BRINP1: variants seen among roughly 807,000 people sequenced by gnomAD.
The protein encoded by BRINP1 is BMP/retinoic acid inducible neural specific 1.
BRINP1 carries 17 observed loss-of-function variants against 72.9 expected under a neutral mutation model. The ratio of observed to expected loss-of-function variants is 0.23; its 90% CI spans 0.16 to 0.35. The LOEUF is 0.35. BRINP1 is among the 10% of genes least tolerant of loss of function. The pLI is 1.00. For synonymous variants in BRINP1, 418 were observed against 378.5 expected, an observed-to-expected ratio of 1.10 and a Z score of -1.21; for missense variants, 850 against 1,001.6, an observed-to-expected ratio of 0.85 and a Z score of 2.04.
chr9:119,278,758 C>G (rs575396903), intron 2 of BRINP1, among the ~76,000 whole-genome samples: 1 of 151,882 alleles, frequency 6.6e-6, no homozygotes, highest in Non-Finnish European at 1.5e-5. Flanking sequence ...CGTGGTGGTG[C>G]GTGCCTGTAG....
At chr9:119,254,155 C>G (rs1321200575) in intron 2 of BRINP1, among the ~76,000 whole-genome samples, 1 of 152,148 alleles carries the variant, frequency 6.6e-6, no homozygotes, top group Admixed American at 6.6e-5. Context: ...AAAGATACCA[C>G]AGTAAACAAA....
At chr9:119,198,624 G>A (rs1407605060) in intron 7 of BRINP1, among the ~76,000 whole-genome samples, 4 of 151,868 alleles carry the variant, frequency 2.6e-5, no homozygotes, top group Admixed American at 6.6e-5. Flanking sequence ...AATTATTTAT[G>A]TCATCAAATA....
At chr9:119,354,697 A>G (rs1587971001) in intron 1 of BRINP1, among the ~76,000 whole-genome samples, 1 of 55,314 alleles carries the variant, frequency 1.8e-5, no homozygotes, top group East Asian at 4.9e-4. Flanking sequence ...CCCGTCTCTA[A>G]AAAAAAAAAA....
intron 2 of BRINP1, among the ~76,000 whole-genome samples, chr9:119,253,281 G>A (rs1352295708): frequency 3.9e-5 from 6 of 152,098 alleles, no homozygotes; most frequent in Admixed American, 6.5e-5. Context: ...CAAAAGAATG[G>A]AAATACATAT....
intron 7 of BRINP1, among the ~76,000 whole-genome samples, chr9:119,168,583 C>G (rs1829349823): frequency 8.5e-6 from 1 of 117,784 alleles, no homozygotes; most frequent in African/African-American, 2.6e-5. Context: ...TCAAATACCC[C>G]TTCTGGATGA....
intron 7 of BRINP1, among the ~76,000 whole-genome samples, chr9:119,189,535 A>T (rs769802431): frequency 6.6e-6 from 1 of 152,154 alleles, no homozygotes; most frequent in Non-Finnish European, 1.5e-5. Context: ...CATTAGATAA[A>T]ATAGACTTCA....
At chr9:119,169,187 A>G (rs1439677992) in intron 7 of BRINP1, among the ~76,000 whole-genome samples, 2 of 152,220 alleles carry the variant, frequency 1.3e-5, no homozygotes, top group African/African-American at 4.8e-5. Context: ...GACGCAGAAG[A>G]CAGTGATTTC....
intron 2 of BRINP1, among the ~76,000 whole-genome samples, chr9:119,252,877 C>G (rs1415382052): frequency 6.6e-6 from 1 of 152,170 alleles, no homozygotes; most frequent in Non-Finnish European, 1.5e-5. Context: ...AAACAGCCAT[C>G]ACAGTCTTTG....
rs755942668 is a variant in BRINP1 at position 119,167,737 on chromosome 9, A to T, written c.1633T>A (p.Ser545Thr). The change falls in exon 8 of 8, where the codon TCC becomes ACC. Residue 545 changes from serine to threonine, a missense_variant. Ser to Thr is a moderately conservative substitution (Grantham distance 58). Transcript: ENST00000265922. This position sits in a 1 kb window ranked among gnomAD's most constrained non-coding sequence, Gnocchi z 4.3. ...MDFIHMVIGM[S>T]MRICQMRNSS... is the part of the protein sequence containing the mutation. ...TTGCGCATCTGGCAGATGCGCATGG[A>T]CATGCCGATCACCATGTGGATGAAG... 4 of 1,613,926 alleles carry T rather than the reference A, an allele frequency of 2.5e-6. No individual in the cohort carries two copies. Among genetic ancestry groups the T allele is most frequent in the Non-Finnish European group, 3.4e-6 (4 of 1,180,002 alleles).
chr9:119,169,272 G>T (rs1009880522), intron 7 of BRINP1, among the ~76,000 whole-genome samples: 1 of 152,222 alleles, frequency 6.6e-6, no homozygotes, highest in African/African-American at 2.4e-5. Context: ...TTGGGTGCAC[G>T]CACCGTGCGC....
chr9:119,274,867 T>A (rs1830640502), intron 2 of BRINP1, among the ~76,000 whole-genome samples: 1 of 152,198 alleles, frequency 6.6e-6, no homozygotes, highest in Non-Finnish European at 1.5e-5. Context: ...TAGATATATG[T>A]GTATATACAC....
At chr9:119,294,562 G>C (rs899423687) in intron 2 of BRINP1, among the ~76,000 whole-genome samples, 2 of 151,404 alleles carry the variant, frequency 1.3e-5, no homozygotes, top group African/African-American at 2.4e-5. Context: ...ATTGATGAAG[G>C]AAATTTAAAA....
rs1455806242 is a variant in BRINP1, at chr9:119,301,658, ACT to A, written c.218+11478_218+11479del. On this transcript the variant is annotated intron_variant, in intron 2 of 7. Coordinates refer to ENST00000265922, the MANE Select transcript of BRINP1 (RefSeq NM_014618.3). ...GGTAAAATGGCATAGAACTATACAC[ACT>A]CTGTGTATATTATACCCATGTCTGT... Among the ~76,000 whole-genome samples the A allele has an allele frequency of 2.0e-5, 3 of 152,028 alleles. No homozygotes were observed. The East Asian group carries it at 5.8e-4, about 29-fold the overall frequency.
intron 1 of BRINP1, among the ~76,000 whole-genome samples, chr9:119,314,954 G>C (rs775786270): frequency 3.9e-5 from 6 of 152,150 alleles, no homozygotes; most frequent in Non-Finnish European, 7.3e-5. Flanking sequence ...CCCTATGACA[G>C]TGTTTTTGTT....
intron 7 of BRINP1, among the ~76,000 whole-genome samples, chr9:119,173,644 T>G (rs1465554427): frequency 6.7e-6 from 1 of 148,666 alleles, no homozygotes; most frequent in African/African-American, 2.5e-5. Context: ...AAAACTACTT[T>G]AAAGTTCATA....
chr9:119,226,439 G>A (rs1295531399), intron 5 of BRINP1, among the ~76,000 whole-genome samples: 1 of 151,928 alleles, frequency 6.6e-6, no homozygotes, highest in Non-Finnish European at 1.5e-5. Flanking sequence ...TATTTGAATG[G>A]TATAGCCCCA....
chr9:119,340,302 G>T (rs555140497), intron 1 of BRINP1, among the ~76,000 whole-genome samples: 6 of 152,256 alleles, frequency 3.9e-5, no homozygotes, highest in African/African-American at 1.2e-4. Flanking sequence ...TAATTGATCT[G>T]GATTTAGATC....
intron 7 of BRINP1, among the ~76,000 whole-genome samples, chr9:119,189,320 T>G (rs2118847546): frequency 6.6e-6 from 1 of 152,226 alleles, no homozygotes; most frequent in Non-Finnish European, 1.5e-5. Context: ...TAGTAAATTC[T>G]TCCGTATCAA....
intron 2 of BRINP1, among the ~76,000 whole-genome samples, chr9:119,288,947 T>C (rs1176682829): frequency 6.6e-6 from 1 of 152,154 alleles, no homozygotes; most frequent in Admixed American, 6.5e-5. Flanking sequence ...ATTACAGGCA[T>C]GTGCCGCCAC....
Sources: gnomAD v4.1 joint callset for allele counts (sites outside exome capture counted in the v4.1 genomes callset) on GRCh38, gnomAD v4.1.1 for gene constraint, Gnocchi (gnomAD v3.1) non-coding constraint, MANE v1.5 for transcripts, NCBI Gene and HGNC (gene_info 2026-07-23, HGNC 2026-07-21) for gene names.